ARAP1: variants seen among roughly 807,000 people sequenced by gnomAD.
The protein encoded by ARAP1 is arf-GAP with Rho-GAP domain, ANK repeat and PH domain-containing protein 1.
Under a neutral mutation model 172.2 loss-of-function variants are expected in ARAP1, and 76 were observed. The observed-to-expected ratio is 0.44, with a 90% CI of 0.37 to 0.53. The LOEUF (loss-of-function observed/expected upper bound fraction) is 0.53. Ranked by LOEUF, ARAP1 falls within the 20% of genes least tolerant of loss-of-function variation. The probability of loss-of-function intolerance (pLI) is 0.00; values close to 1 mark genes in which losing one functional copy is unlikely to be tolerated. For synonymous variants in ARAP1, 804 were observed against 803.3 expected (o/e 1.00, Z -0.01); for missense variants, 1,686 against 1,977.5 (o/e 0.85, Z 2.80).
intron 23 of ARAP1, among the ~76,000 whole-genome samples, chr11:72,696,117 G>C (rs10898865): frequency 0.51 from 76,578 of 151,614 alleles, 19,490 homozygotes; most frequent in Non-Finnish European, 0.55. Flanking sequence ...AGTTCTGGCA[G>C]AAGGGATTGG....
At position 72,695,520 on chromosome 11, in the gene ARAP1, C is replaced by T. The variant is rs1399912514; in HGVS notation, c.3507+22G>A. 4 of 1,614,026 alleles carry T rather than the reference C, an allele frequency of 2.5e-6. No homozygotes were observed. In the Admixed American group the frequency reaches 5.0e-5, roughly 20 times the overall value. On this transcript the variant is annotated intron_variant, in intron 25 of 34. Coordinates refer to ENST00000393609, the MANE Select transcript of ARAP1 (RefSeq NM_001040118.3). This position sits in a 1 kb window ranked among gnomAD's most constrained non-coding sequence, Gnocchi z 4.4. The stretch of plus-strand genomic sequence containing the variant: ...GGTGCAGGTGGCAGGTCCAAGCCCC[C>T]CACCCAGGCTCCAGCCTTCACCTGG...
At chr11:72,749,862 C>T (rs56171413) in intron 1 of ARAP1, among the ~76,000 whole-genome samples, 13,466 of 149,388 alleles carry the variant, frequency 0.09, 672 homozygotes, top group South Asian at 0.15. Context: ...CAGAGCAAGA[C>T]TCCGTCTCAA....
At chr11:72,686,001 G>A in intron 34 of ARAP1, 41 bp downstream of exon 34, 1 of 1,613,708 alleles carries the variant, frequency 6.2e-7, no homozygotes, top group Non-Finnish European at 8.5e-7. Context: ...CACCCAGCCA[G>A]GCCCCCAGCC....
At chr11:72,702,182 C>T (rs916732513) in intron 15 of ARAP1, among the ~76,000 whole-genome samples, 1 of 152,222 alleles carries the variant, frequency 6.6e-6, no homozygotes, top group Non-Finnish European at 1.5e-5. Flanking sequence ...TGACTACAGC[C>T]CTGTTCCCCA....
chr11:72,711,730 C>G (rs1464840816), intron 7 of ARAP1, among the ~76,000 whole-genome samples: 2 of 140,108 alleles, frequency 1.4e-5, no homozygotes, highest in Non-Finnish European at 3.1e-5. Flanking sequence ...GGGTCTCACT[C>G]TGCCACACAG....
At chr11:72,689,551 A>G (rs900615) in intron 30 of ARAP1, 73,569 of 152,328 alleles carry the variant, frequency 0.48, 18,329 homozygotes, top group Middle Eastern at 0.68. Flanking sequence ...GAGAAAGGAC[A>G]GCCAGGGGAA....
intron 16 of ARAP1, among the ~76,000 whole-genome samples, chr11:72,701,242 G>A (rs150189738): frequency 5.6e-4 from 85 of 152,002 alleles, no homozygotes; most frequent in African/African-American, 1.9e-3. Flanking sequence ...GAGAGGTAAT[G>A]GGGGTGGTGG....
Position 72,721,283 on chromosome 11 carries a change from C to T in ARAP1, c.509+5337G>A, listed in dbSNP as rs969690806. Among the ~76,000 whole-genome samples, 3 of 152,290 alleles carry T rather than the reference C, an allele frequency of 2.0e-5. No individual in the cohort carries two copies. In the South Asian group the frequency reaches 6.2e-4, roughly 32 times the overall value. Reference sequence around the variant, plus strand: ...TCAGGAAAGGGGAGACCAGCCCCCACACTCCATAAGCACCCACCACAGCAC... The same window carrying T: ...TCAGGAAAGGGGAGACCAGCCCCCATACTCCATAAGCACCCACCACAGCAC... On this transcript the variant is annotated intron_variant, in intron 3 of 34. Coordinates refer to ENST00000393609, the MANE Select transcript of ARAP1 (RefSeq NM_001040118.3).
intron 27 of ARAP1, 115 bp downstream of exon 27, chr11:72,694,865 A>T (rs569981370): frequency 1.2e-6 from 1 of 862,140 alleles, no homozygotes; most frequent in African/African-American, 1.7e-5. Context: ...GCAACATGTC[A>T]TCAAAGCCCT....
At chr11:72,713,719 C>T (rs1173509613) in intron 4 of ARAP1, among the ~76,000 whole-genome samples, 2 of 151,808 alleles carry the variant, frequency 1.3e-5, no homozygotes, top group African/African-American at 2.4e-5. Flanking sequence ...TGGTGGCGGG[C>T]GCCTGTAGTC....
chr11:72,730,019 C>G (rs944011741), intron 2 of ARAP1, among the ~76,000 whole-genome samples: 3 of 151,804 alleles, frequency 2.0e-5, no homozygotes, highest in Non-Finnish European at 4.4e-5. Flanking sequence ...ATATTCAACT[C>G]TACAAAAATC....
chr11:72,703,609 G>A (rs1035428834), intron 14 of ARAP1, among the ~76,000 whole-genome samples: 1 of 152,190 alleles, frequency 6.6e-6, no homozygotes, highest in African/African-American at 2.4e-5. Context: ...CTGCCTGGGA[G>A]GGGCGGTTTG....
Position 72,688,774 on chromosome 11 carries a change from C to G in ARAP1, c.3988-237G>C, listed in dbSNP as rs1855799451. 8.2e-6 allele frequency: 4 copies of G among 490,760 alleles called. No homozygotes were observed. The East Asian group carries it at 1.4e-4, about 18-fold the overall frequency. 30.4% of individuals were successfully genotyped at this position (490,760 alleles called of 1,614,324 possible). A position where few individuals can be genotyped will look rare whatever the true frequency, so the allele number is the denominator to read the frequency against. On this transcript the variant is annotated intron_variant, in intron 30 of 34. Coordinates refer to ENST00000393609, the MANE Select transcript of ARAP1 (RefSeq NM_001040118.3). Reference sequence around the variant, plus strand: ...CCTGCAGCAGTATCAGACAGTCAACCCTCAGTCTCCGAGGCAGCCGTCCCA... The same window carrying G: ...CCTGCAGCAGTATCAGACAGTCAACGCTCAGTCTCCGAGGCAGCCGTCCCA...
chr11:72,735,194 C>G (rs1857983050), intron 1 of ARAP1, among the ~76,000 whole-genome samples: 1 of 152,076 alleles, frequency 6.6e-6, no homozygotes, highest in Admixed American at 6.5e-5. Flanking sequence ...GTTGCCCAGG[C>G]TGGTCTTGAG....
chr11:72,751,726 CG>C (rs1858537220), intron 1 of ARAP1, among the ~76,000 whole-genome samples: 1 of 151,968 alleles, frequency 6.6e-6, no homozygotes, highest in African/African-American at 2.4e-5. Flanking sequence ...CCCTCCCCGC[CG>C]GCCCTGCACC....
chr11:72,730,544 A>G (rs566460336), intron 2 of ARAP1, among the ~76,000 whole-genome samples: 1 of 152,330 alleles, frequency 6.6e-6, no homozygotes, highest in East Asian at 1.9e-4. Context: ...TAAAAATACA[A>G]AAAGTTAGCC....
chr11:72,694,635 T>G (rs1856095945), intron 27 of ARAP1, among the ~76,000 whole-genome samples: 1 of 152,132 alleles, frequency 6.6e-6, no homozygotes, highest in Non-Finnish European at 1.5e-5. Context: ...ACTGTGTGTG[T>G]GGCTCCCTAG....
chr11:72,712,867 A>C (rs1857090445), intron 5 of ARAP1: 2 of 599,534 alleles, frequency 3.3e-6, no homozygotes, highest in Non-Finnish European at 3.0e-6. Flanking sequence ...GGAACACAAG[A>C]AGTGAAACAG....
At chr11:72,713,573 C>T (rs925326428) in intron 4 of ARAP1, among the ~76,000 whole-genome samples, 10 of 152,076 alleles carry the variant, frequency 6.6e-5, no homozygotes, top group Non-Finnish European at 1.5e-4. Flanking sequence ...TCTGGCCAGG[C>T]GCGGTGGCTC....
Sources: gnomAD v4.1 joint callset for allele counts (sites outside exome capture counted in the v4.1 genomes callset) on GRCh38, gnomAD v4.1.1 for gene constraint, Gnocchi (gnomAD v3.1) non-coding constraint, MANE v1.5 for transcripts, NCBI Gene and HGNC (gene_info 2026-07-23, HGNC 2026-07-21) for gene names.